Variants in PRSS35 observed in about 807,000 individuals in gnomAD.
PRSS35 encodes inactive serine protease 35.
In PRSS35, 7 loss-of-function variants were observed where a neutral mutation model predicts 8.1. The observed-to-expected ratio is 0.86, with a 90% CI of 0.49 to 1.62. The LOEUF (loss-of-function observed/expected upper bound fraction) is 1.62. PRSS35 is among the 40% of genes most tolerant of loss of function. The probability of loss-of-function intolerance (pLI) is 0.00; values close to 1 mark genes in which losing one functional copy is unlikely to be tolerated. For synonymous variants in PRSS35, 199 were observed against 188.7 expected, an observed-to-expected ratio of 1.05 and a Z score of -0.45; for missense variants, 566 against 518.0, an observed-to-expected ratio of 1.09 and a Z score of -0.90.
chr6:83,513,601 G>A (rs1163805923), intron 1 of PRSS35, among the ~76,000 whole-genome samples: 6 of 152,168 alleles, frequency 3.9e-5, no homozygotes, highest in African/African-American at 9.6e-5. Context: ...TAAAATCCCT[G>A]CCAAATAAGA....
Position 83,524,600 on chromosome 6 carries a change from G to C in PRSS35, c.1159G>C (p.Val387Leu). ...CCACGGGGTTCAGAAGGACTACAACGTTGCTGTTCGCATCACTCCCCTAAA... is the reference window on the plus strand; with the variant it reads ...CCACGGGGTTCAGAAGGACTACAACCTTGCTGTTCGCATCACTCCCCTAAA... ...DVHGVQKDYN[V>L]AVRITPLKYA... is the part of the protein sequence containing the mutation. Residue 387 changes from valine (V) to leucine (L), a missense_variant, in exon 2 of 2, where the codon GTT becomes CTT. Transcript: ENST00000369700. 1 of 1,614,110 alleles carries C rather than the reference G, an allele frequency of 6.2e-7. No individual in the cohort carries two copies. Among genetic ancestry groups the C allele is most frequent in the Non-Finnish European group, 8.5e-7 (1 of 1,180,024 alleles).
chr6:83,518,791 T>C (rs1429204132), intron 1 of PRSS35, among the ~76,000 whole-genome samples: 1 of 152,246 alleles, frequency 6.6e-6, no homozygotes. Context: ...TAACATGTGT[T>C]AACTACTTAC....
intron 1 of PRSS35, among the ~76,000 whole-genome samples, chr6:83,519,368 A>C (rs1458058274): frequency 6.6e-6 from 1 of 152,202 alleles, no homozygotes; most frequent in African/African-American, 2.4e-5. Context: ...AATGCAAGCC[A>C]TCTGGAAATG....
At position 83,520,346 on chromosome 6, in the gene PRSS35, G is replaced by A. The variant is rs528281729; in HGVS notation, c.-20-3076G>A. ...GAGTGTCAAAGTCATCTGGAGGGCC[G>A]GTTAAACCTAGCTGGGAGTCACTCT... On this transcript the variant is annotated intron_variant, in intron 1 of 1. Coordinates refer to ENST00000369700, the MANE Select transcript of PRSS35 (RefSeq NM_153362.3). 1.1e-4 allele frequency among the ~76,000 whole-genome samples: 16 copies of A among 152,242 alleles called. No individual in the cohort carries two copies. The East Asian group carries it at 2.5e-3, about 24-fold the overall frequency.
intron 1 of PRSS35, among the ~76,000 whole-genome samples, chr6:83,523,045 C>G (rs1771850497): frequency 6.6e-6 from 1 of 152,144 alleles, no homozygotes; most frequent in Non-Finnish European, 1.5e-5. Flanking sequence ...TCTAAATCAT[C>G]TGGATAAAAA....
Position 83,524,383 on chromosome 6 carries a change from C to A in PRSS35, c.942C>A (p.Asn314Lys), listed in dbSNP as rs139406931. The A allele has an allele frequency of 1.2e-6, 2 of 1,614,026 alleles. No homozygotes were observed. The highest frequency in any genetic ancestry group is 2.2e-5 in the South Asian group (2 of 91,086). ...GGMIHFSGFD[N>K]DRADQLVYRF... ...TGATCCACTTCTCAGGATTTGATAA[C>A]GATAGGGCTGATCAGTTGGTCTATC... is the stretch of plus-strand genomic sequence containing the variant. Residue 314 changes from asparagine (N) to lysine (K), a missense_variant, in exon 2 of 2, where the codon AAC (asparagine) becomes AAA (lysine). Coordinates refer to ENST00000369700, the MANE Select transcript of PRSS35 (RefSeq NM_153362.3).
chr6:83,516,437 A>G (rs1176057225), intron 1 of PRSS35, among the ~76,000 whole-genome samples: 3 of 151,722 alleles, frequency 2.0e-5, no homozygotes, highest in East Asian at 2.0e-4. Context: ...TTAGCCGGGC[A>G]TGGTGGCGGG....
At chr6:83,523,220 G>A (rs1158591186) in intron 1 of PRSS35, among the ~76,000 whole-genome samples, 1 of 152,114 alleles carries the variant, frequency 6.6e-6, no homozygotes, top group African/African-American at 2.4e-5. Context: ...GGAAGTTTGG[G>A]TGGAAAACAA....
At chr6:83,518,580 A>G (rs1771765096) in intron 1 of PRSS35, among the ~76,000 whole-genome samples, 2 of 152,360 alleles carry the variant, frequency 1.3e-5, no homozygotes, top group East Asian at 3.9e-4. Flanking sequence ...GGAAGTCTCT[A>G]AAGTGAAGCT....
intron 1 of PRSS35, among the ~76,000 whole-genome samples, chr6:83,519,389 G>A (rs1368486818): frequency 6.6e-6 from 1 of 152,156 alleles, no homozygotes; most frequent in Non-Finnish European, 1.5e-5. Flanking sequence ...GACAGTGAAG[G>A]TCACAGTTAT....
In PRSS35 at chr6:83,525,201, A is replaced by G. The variant is rs1771916448; in HGVS notation, c.*518A>G. The G allele has an allele frequency of 6.0e-6, 1 of 167,412 alleles. No individual in the cohort carries two copies. The highest frequency in any genetic ancestry group is 1.5e-5 in the Non-Finnish European group (1 of 68,488). 10.4% of individuals were successfully genotyped at this position (167,412 alleles called of 1,614,324 possible). ...ATGCCCTCAATGTTTATATTGTGTT[A>G]TCTGTTGGGTCTGGGACATTTAGTT... is the stretch of plus-strand genomic sequence containing the variant. On this transcript the variant is annotated 3_prime_UTR_variant, in exon 2 of 2. Coordinates refer to ENST00000369700, the MANE Select transcript of PRSS35 (RefSeq NM_153362.3).
chr6:83,519,987 CAT>C (rs1347222372), intron 1 of PRSS35, among the ~76,000 whole-genome samples: 1 of 151,738 alleles, frequency 6.6e-6, no homozygotes, highest in Non-Finnish European at 1.5e-5. Context: ...TTTTTTGAGA[CAT>C]ATGATGCACA....
Position 83,521,312 on chromosome 6 carries a change from T to C in PRSS35, c.-20-2110T>C, listed in dbSNP as rs557027714. On this transcript the variant is annotated intron_variant, in intron 1 of 1. Transcript: ENST00000369700. The stretch of plus-strand genomic sequence containing the variant: ...TTACTGAGTTGTGAGCCTTTTTCAT[T>C]CTAATTAAATAAACTTGATGAAATA... 2.0e-4 allele frequency among the ~76,000 whole-genome samples: 31 copies of C among 152,118 alleles called. 1 individual carries two copies. The South Asian group carries it at 6.2e-3, about 31-fold the overall frequency.
chr6:83,516,118 CCTA>C (rs1771708262), intron 1 of PRSS35, among the ~76,000 whole-genome samples: 1 of 152,046 alleles, frequency 6.6e-6, no homozygotes, highest in African/African-American at 2.4e-5. Flanking sequence ...TCCGCCACTC[CCTA>C]CTACTACTTT....
intron 1 of PRSS35, among the ~76,000 whole-genome samples, chr6:83,522,008 G>T (rs979248568): frequency 6.6e-6 from 1 of 152,104 alleles, no homozygotes; most frequent in African/African-American, 2.4e-5. Context: ...TTGCATCAGG[G>T]TTGACTTTTC....
rs1771913867 is a variant in PRSS35, at chr6:83,525,062, G to A, written c.*379G>A. ...AAGAATCTAATAGGATGCTGGTTGTGTATTAAATGTGAAATTGCATAGATA... is the reference window on the plus strand; with the variant it reads ...AAGAATCTAATAGGATGCTGGTTGTATATTAAATGTGAAATTGCATAGATA... On this transcript the variant is annotated 3_prime_UTR_variant, in exon 2 of 2. Transcript: ENST00000369700. 1 of 190,748 alleles carries A rather than the reference G, an allele frequency of 5.2e-6. No homozygotes were observed. The highest frequency in any genetic ancestry group is 5.6e-5 in the Admixed American group (1 of 17,766). The allele number at this position is 190,748 out of a possible 1,614,324, so 11.8% of individuals were successfully genotyped here. A position where few individuals can be genotyped will look rare whatever the true frequency, so the allele number is the denominator to read the frequency against.
rs140989467 is a variant in PRSS35 at position 83,520,925 on chromosome 6, G to A, written c.-20-2497G>A. On this transcript the variant is annotated intron_variant, in intron 1 of 1. Transcript: ENST00000369700. ...AAGTGTATTGCTCCTCAGATCATTA[G>A]TACCAAGCATTAAGATATACCAAAT... is the stretch of plus-strand genomic sequence containing the variant. 5.8e-3 allele frequency among the ~76,000 whole-genome samples: 881 copies of A among 152,242 alleles called. 5 individuals carry two copies. The highest frequency in any genetic ancestry group is 0.02 in the African/African-American group (847 of 41,558).
chr6:83,522,561 C>G (rs772347085), intron 1 of PRSS35, among the ~76,000 whole-genome samples: 22 of 152,146 alleles, frequency 1.4e-4, no homozygotes, highest in Non-Finnish European at 2.9e-4. Context: ...TCATGTCCCC[C>G]CCAAACAGCC....
intron 1 of PRSS35, among the ~76,000 whole-genome samples, chr6:83,517,163 A>G (rs889568274): frequency 6.6e-6 from 1 of 152,262 alleles, no homozygotes; most frequent in African/African-American, 2.4e-5. Context: ...TATTATCTCT[A>G]TCTAATAAAT....
Sources: allele counts gnomAD v4.1 joint callset (sites outside exome capture counted in the v4.1 genomes callset), GRCh38; gene constraint gnomAD v4.1.1; transcripts MANE v1.5; gene names NCBI Gene and HGNC (gene_info 2026-07-23, HGNC 2026-07-21).